Variants in GRXCR2 observed in about 807,000 individuals in gnomAD.
GRXCR2 encodes the protein glutaredoxin and cysteine rich domain containing 2, also known as glutaredoxin domain-containing cysteine-rich protein 2.
In GRXCR2, 23 loss-of-function variants were observed where a neutral mutation model predicts 24.8. The ratio of observed to expected loss-of-function variants is 0.93; its 90% CI spans 0.67 to 1.32. GRXCR2 has a LOEUF of 1.32. GRXCR2 is among the 40% of genes most tolerant of loss of function. GRXCR2 has a pLI of 0.00. For missense variants in GRXCR2, 315 were observed against 303.4 expected, an observed-to-expected ratio of 1.04 and a Z score of -0.28; for synonymous variants, 130 against 116.1, an observed-to-expected ratio of 1.12 and a Z score of -0.77.
At chr5:145,902,490 C>A (rs1392134120) in intron 2 of GRXCR2, among the ~76,000 whole-genome samples, 1 of 152,146 alleles carries the variant, frequency 6.6e-6, no homozygotes, top group Non-Finnish European at 1.5e-5. Flanking sequence ...CTCTTATATG[C>A]ATCTTTGTGC....
intron 2 of GRXCR2, among the ~76,000 whole-genome samples, chr5:145,917,237 A>T (rs1265753806): frequency 6.6e-6 from 1 of 150,952 alleles, no homozygotes; most frequent in African/African-American, 2.4e-5. Context: ...TCTTCCCCAA[A>T]GTGGATTCCA....
chr5:145,904,175 G>A (rs1479729754), intron 2 of GRXCR2, among the ~76,000 whole-genome samples: 2 of 152,084 alleles, frequency 1.3e-5, no homozygotes, highest in African/African-American at 2.4e-5. Flanking sequence ...CATCCCTCAC[G>A]CCAAGGATCC....
chr5:145,913,085 C>T (rs1237078580), intron 2 of GRXCR2, among the ~76,000 whole-genome samples: 1 of 152,140 alleles, frequency 6.6e-6, no homozygotes, highest in Non-Finnish European at 1.5e-5. Context: ...AAAAGTAGTA[C>T]AGTAGAGACT....
intron 1 of GRXCR2, among the ~76,000 whole-genome samples, chr5:145,867,359 A>G (rs1756455203): frequency 6.6e-6 from 1 of 152,280 alleles, no homozygotes; most frequent in African/African-American, 2.4e-5. Flanking sequence ...CCTAAAGCCC[A>G]TATTTTTACC....
At chr5:145,923,719 T>C (rs541669286) in intron 2 of GRXCR2, among the ~76,000 whole-genome samples, 1 of 152,330 alleles carries the variant, frequency 6.6e-6, no homozygotes, top group African/African-American at 2.4e-5. Context: ...AATCCTTCTA[T>C]AATGTTATGA....
At chr5:145,928,350 C>T (rs1294965669) in intron 2 of GRXCR2, among the ~76,000 whole-genome samples, 2 of 152,132 alleles carry the variant, frequency 1.3e-5, no homozygotes, top group East Asian at 1.9e-4. Flanking sequence ...TGTGGCGATT[C>T]CTCAGGGATC....
chr5:145,877,296 G>C (rs1756632884), upstream of GRXCR2, among the ~76,000 whole-genome samples: 1 of 150,236 alleles, frequency 6.7e-6, no homozygotes, highest in Non-Finnish European at 1.5e-5. Flanking sequence ...GGAGACACTT[G>C]TCCTTAGTAG....
intron 2 of GRXCR2, among the ~76,000 whole-genome samples, chr5:145,912,455 A>G (rs1022901466): frequency 6.6e-6 from 1 of 152,188 alleles, no homozygotes; most frequent in Non-Finnish European, 1.5e-5. Flanking sequence ...TGGGTGCTGG[A>G]GTTACAGCAA....
Position 145,872,948 on chromosome 5 carries a change from C to G in GRXCR2, c.21G>C (p.Lys7Asn), listed in dbSNP as rs1412628901. The change falls in exon 1 of 3, where the codon AAG becomes AAC. Residue 7 changes from lysine (K) to asparagine (N), a missense_variant. Physicochemically the swap from Lys to Asn is moderately conservative, Grantham distance 94. Transcript: ENST00000377976. MEDPEKKLNQKSDGKPR... is the reference protein window; with the variant it reads MEDPEKNLNQKSDGKPR... ...GTTTGCCATCACTCTTCTGATTCAG[C>G]TTTTTCTCAGGGTCCTCCATCAGCA... 6.2e-7 allele frequency: 1 copy of G among 1,613,952 alleles called. No homozygotes were observed. The highest frequency in any genetic ancestry group is 1.3e-5 in the African/African-American group (1 of 74,934).
At chr5:145,895,594 A>T (rs1270265534) in intron 2 of GRXCR2, among the ~76,000 whole-genome samples, 2 of 152,192 alleles carry the variant, frequency 1.3e-5, no homozygotes, top group Non-Finnish European at 2.9e-5. Flanking sequence ...GGACCTCTTC[A>T]AGGAGAACTA....
intron 2 of GRXCR2, among the ~76,000 whole-genome samples, chr5:145,903,258 A>G (rs1156484705): frequency 6.6e-6 from 1 of 152,166 alleles, no homozygotes; most frequent in Non-Finnish European, 1.5e-5. Context: ...CTAGTTTCCT[A>G]TGGAGACTTG....
At chr5:145,886,939 T>C (rs1169819729) in intron 2 of GRXCR2, among the ~76,000 whole-genome samples, 1 of 152,214 alleles carries the variant, frequency 6.6e-6, no homozygotes, top group Non-Finnish European at 1.5e-5. Flanking sequence ...TTACTAGACT[T>C]TCTGTTAGAA....
At chr5:145,930,926 G>C (rs548569372) in intron 2 of GRXCR2, among the ~76,000 whole-genome samples, 8 of 152,226 alleles carry the variant, frequency 5.3e-5, no homozygotes, top group Non-Finnish European at 1.2e-4. Flanking sequence ...AAGGAACAGA[G>C]GAAGAGAGTA....
intron 2 of GRXCR2, among the ~76,000 whole-genome samples, chr5:145,927,818 A>T (rs898376056): frequency 4.6e-5 from 7 of 152,186 alleles, no homozygotes; most frequent in African/African-American, 9.6e-5. Flanking sequence ...AACCTAGGCA[A>T]TAACATTCAG....
chr5:145,917,062 CT>C (rs34794205), intron 2 of GRXCR2, among the ~76,000 whole-genome samples: 5,630 of 142,218 alleles, frequency 0.04, 182 homozygotes, highest in African/African-American at 0.09. Context: ...TCCTAAGCAT[CT>C]TTTTTTTTTT....
chr5:145,889,620 C>A (rs1756833080), intron 2 of GRXCR2, among the ~76,000 whole-genome samples: 2 of 152,078 alleles, frequency 1.3e-5, no homozygotes, highest in Non-Finnish European at 2.9e-5. Flanking sequence ...ACCGGTGTCT[C>A]CAGATGAGAA....
At chr5:145,875,670 G>C (rs1485059103), upstream of GRXCR2, among the ~76,000 whole-genome samples, 1 of 152,046 alleles carries the variant, frequency 6.6e-6, no homozygotes, top group African/African-American at 2.4e-5. Flanking sequence ...GAAATAGGTG[G>C]GAGAGAAGAA....
downstream of GRXCR2, among the ~76,000 whole-genome samples, chr5:145,857,767 A>C (rs1035813036): frequency 2.0e-5 from 3 of 152,190 alleles, no homozygotes; most frequent in African/African-American, 7.2e-5. Flanking sequence ...CAACCTGCAT[A>C]ACCCCACTAA....
At chr5:145,884,298 C>G (rs779220717) in intron 2 of GRXCR2, among the ~76,000 whole-genome samples, 1 of 151,672 alleles carries the variant, frequency 6.6e-6, no homozygotes, top group Non-Finnish European at 1.5e-5. Flanking sequence ...AATATATCAA[C>G]GAAAAAATGT....
Sources: allele counts gnomAD v4.1 joint callset (sites outside exome capture counted in the v4.1 genomes callset), GRCh38; gene constraint gnomAD v4.1.1; transcripts MANE v1.5; gene names NCBI Gene and HGNC (gene_info 2026-07-23, HGNC 2026-07-21).